The following CHST9 variants were observed in gnomAD, a reference collection of about 807,000 sequenced individuals.
CHST9 encodes the protein GalNAc-4-sulfotransferase 2.
CHST9 carries 41 observed loss-of-function variants against 44.4 expected under a neutral mutation model. That is an observed-to-expected ratio of 0.92 (90% CI 0.72 to 1.20). The LOEUF (loss-of-function observed/expected upper bound fraction) is 1.20, where lower values mean the gene tolerates loss of function less well. CHST9 is among the 50% of genes most tolerant of loss of function. The pLI is 0.00. For synonymous variants in CHST9, 171 were observed against 178.4 expected (o/e 0.96, Z 0.33); for missense variants, 504 against 516.5 (o/e 0.98, Z 0.23).
intron 4 of CHST9, among the ~76,000 whole-genome samples, chr18:26,997,502 T>A (rs1465876137): frequency 6.6e-6 from 1 of 152,228 alleles, no homozygotes; most frequent in Non-Finnish European, 1.5e-5. Flanking sequence ...GAGATTTATC[T>A]GCACAATGCA....
intron 4 of CHST9, among the ~76,000 whole-genome samples, chr18:26,990,430 T>C (rs1300263349): frequency 6.6e-6 from 1 of 151,852 alleles, no homozygotes; most frequent in Admixed American, 6.5e-5. Context: ...TGAAAATGTA[T>C]TGGGTTGTTA....
intron 3 of CHST9, among the ~76,000 whole-genome samples, chr18:27,025,692 C>A (rs559444292): frequency 3.9e-5 from 6 of 152,218 alleles, no homozygotes; most frequent in Admixed American, 6.5e-5. Context: ...TCCTTCAGTA[C>A]AACTGATCCC....
chr18:27,081,603 T>G lies in CHST9; in HGVS notation c.122-33100A>C, dbSNP rs1044390679. On this transcript the variant is annotated intron_variant, in intron 2 of 5. Coordinates refer to ENST00000618847, the MANE Select transcript of CHST9 (RefSeq NM_031422.6). ...TTTGTCTTTTTATATTTACGTTTCC[T>G]GGGTGTTGAACTCACCTCTTTACAT... 2.0e-5 allele frequency among the ~76,000 whole-genome samples: 3 copies of G among 152,318 alleles called. No homozygotes were observed. In the East Asian group the frequency reaches 5.8e-4, roughly 29 times the overall value.
chr18:27,077,743 A>G (rs995562748), intron 2 of CHST9, among the ~76,000 whole-genome samples: 3 of 152,216 alleles, frequency 2.0e-5, no homozygotes, highest in Admixed American at 6.5e-5. Flanking sequence ...TAAATAATGT[A>G]TCTTGCTCAT....
intron 4 of CHST9, among the ~76,000 whole-genome samples, chr18:26,970,291 T>C (rs1229194401): frequency 6.6e-6 from 1 of 152,230 alleles, no homozygotes; most frequent in Non-Finnish European, 1.5e-5. Flanking sequence ...AGATTCAAGA[T>C]CTTGCAAAAT....
At chr18:27,094,748 CA>C (rs1431661549) in intron 2 of CHST9, among the ~76,000 whole-genome samples, 1 of 152,150 alleles carries the variant, frequency 6.6e-6, no homozygotes, top group Non-Finnish European at 1.5e-5. Flanking sequence ...TAACAAAGTT[CA>C]AACTACAACC....
chr18:26,999,282 A>C (rs2056922011), intron 4 of CHST9, among the ~76,000 whole-genome samples: 2 of 152,232 alleles, frequency 1.3e-5, no homozygotes, highest in African/African-American at 4.8e-5. Flanking sequence ...CAACTTTCTG[A>C]AATCATTTTT....
At chr18:27,177,080 C>T (rs2058874231) in intron 1 of CHST9, among the ~76,000 whole-genome samples, 1 of 152,000 alleles carries the variant, frequency 6.6e-6, no homozygotes, top group South Asian at 2.1e-4. Context: ...GTAATAAAAT[C>T]TCATTCTCTG....
Sources: allele counts gnomAD v4.1 joint callset (sites outside exome capture counted in the v4.1 genomes callset), GRCh38; gene constraint gnomAD v4.1.1; transcripts MANE v1.5; gene names NCBI Gene and HGNC (gene_info 2026-07-23, HGNC 2026-07-21).